The following SLC17A4 variants were observed in gnomAD, a reference collection of about 807,000 sequenced individuals.
SLC17A4 encodes the protein solute carrier family 17 member 4.
SLC17A4 carries 33 observed loss-of-function variants against 52.5 expected under a neutral mutation model. The ratio of observed to expected loss-of-function variants is 0.63; its 90% confidence interval spans 0.48 to 0.84. The LOEUF (loss-of-function observed/expected upper bound fraction) is 0.84. Ranked by LOEUF, SLC17A4 falls within the 40% of genes least tolerant of loss-of-function variation. The pLI is 0.00. For missense variants in SLC17A4, 585 were observed against 597.1 expected, an observed-to-expected ratio of 0.98 and a Z score of 0.21; for synonymous variants, 225 against 216.2, an observed-to-expected ratio of 1.04 and a Z score of -0.36.
At position 25,768,969 on chromosome 6, in the gene SLC17A4, G is replaced by T; in HGVS notation, c.92-16G>T. 1 of 1,612,290 alleles carries T rather than the reference G, an allele frequency of 6.2e-7. No individual in the cohort carries two copies. Among genetic ancestry groups the T allele is most frequent in the African/African-American group, 1.3e-5 (1 of 74,998 alleles). ...AAGCATTCTGATTGTGATTTTTCATGCCCTTTTCCTCTCAGGTTTTTGTTC... is the reference window on the plus strand; with the variant it reads ...AAGCATTCTGATTGTGATTTTTCATTCCCTTTTCCTCTCAGGTTTTTGTTC... On this transcript the variant is annotated splice_polypyrimidine_tract_variant and intron_variant, in intron 2 of 11. Transcript: ENST00000377905.
In SLC17A4 at chr6:25,776,904, A is replaced by G; in HGVS notation, c.1213A>G (p.Ile405Val). ...TMTFLVLSSA[I>V]SSFCESGALV... ...GACCTTCTTGGTGCTGTCTTCTGCC[A>G]TCAGCAGCTTCTGTGAATCAGGAGC... Residue 405 changes from isoleucine (I) to valine (V), a missense_variant, in exon 10 of 12, where the codon ATC becomes GTC. Physicochemically the swap from Ile to Val is conservative, Grantham distance 29. Coordinates refer to ENST00000377905, the MANE Select transcript of SLC17A4 (RefSeq NM_005495.3). 6.2e-7 allele frequency: 1 copy of G among 1,613,838 alleles called. No homozygotes were observed. The highest frequency in any genetic ancestry group is 8.5e-7 in the Non-Finnish European group (1 of 1,179,838).
Position 25,777,979 on chromosome 6 carries a change from C to A in SLC17A4, c.1322C>A (p.Ala441Asp), listed in dbSNP as rs758960195. 7 of 1,612,928 alleles carry A rather than the reference C, an allele frequency of 4.3e-6. No individual in the cohort carries two copies. Among genetic ancestry groups the A allele is most frequent in the Non-Finnish European group, 5.1e-6 (6 of 1,179,670 alleles). ...CAAGTCTTTGCACACATAGCTGGAGCCATCTCTCCTACTGCTGCTGGATTT... is the reference window on the plus strand; with the variant it reads ...CAAGTCTTTGCACACATAGCTGGAGACATCTCTCCTACTGCTGCTGGATTT... ...LLQVFAHIAGAISPTAAGFFI... is the reference protein window; with the variant it reads ...LLQVFAHIAGDISPTAAGFFI... Residue 441 changes from alanine to aspartate, a missense_variant, in exon 11 of 12, where the codon GCC (alanine) becomes GAC (aspartate). Transcript: ENST00000377905.
At position 25,776,600 on chromosome 6, in the gene SLC17A4, G is replaced by A. The variant is rs1192696173; in HGVS notation, c.993G>A (p.Gly331=). 1.2e-6 allele frequency: 2 copies of A among 1,603,308 alleles called. No homozygotes were observed. The highest frequency in any genetic ancestry group is 1.7e-4 in the Middle Eastern group (1 of 6,014). Reference sequence around the variant, plus strand: ...ACCTAGTCTCTGGTCCTCAGAGTGGGATCCTGTCTGCCTTGCCGTTTGTTG... The same window carrying A: ...ACCTAGTCTCTGGTCCTCAGAGTGGAATCCTGTCTGCCTTGCCGTTTGTTG... ...SVLQANLRDS[G]ILSALPFVVG... The change falls in exon 9 of 12, where the codon GGG becomes GGA. Residue 331 remains glycine, a synonymous_variant. Transcript: ENST00000377905.
At position 25,779,110 on chromosome 6, in the gene SLC17A4, G is replaced by A. The variant is rs774393197; in HGVS notation, c.1416G>A (p.Ser472=). The change falls in exon 12 of 12, where the codon TCG becomes TCA. Residue 472 remains serine, a synonymous_variant. Transcript: ENST00000377905. Reference sequence around the variant, plus strand: ...TGCTTTCAGCTGCTGTTAACATATCGGGCCTGGTTTTCTACCTCATCTTTG... The same window carrying A: ...TGCTTTCAGCTGCTGTTAACATATCAGGCCTGGTTTTCTACCTCATCTTTG... ...VFLLSAAVNI[S]GLVFYLIFGR... The A allele has an allele frequency of 1.7e-5, 27 of 1,613,672 alleles. No individual in the cohort carries two copies. In the East Asian group the frequency reaches 3.3e-4, roughly 20 times the overall value.
chr6:25,775,331 T>TA (rs34991353), intron 8 of SLC17A4, among the ~76,000 whole-genome samples: 129,034 of 147,616 alleles, frequency 0.87, 56,603 homozygotes, highest in South Asian at 0.98. Flanking sequence ...AAACTCTGTC[T>TA]AAAAAAAAAA....
chr6:25,778,975 A>T, intron 11 of SLC17A4, 79 bp from the exon 12 acceptor site: 1 of 1,571,666 alleles, frequency 6.4e-7, no homozygotes, highest in East Asian at 2.2e-5. Flanking sequence ...GAGCAGGAGG[A>T]CACAGAGCCA....
Position 25,773,277 on chromosome 6 carries a change from G to C in SLC17A4, c.709G>C (p.Gly237Arg), listed in dbSNP as rs201472019. 1 of 1,613,092 alleles carries C rather than the reference G, an allele frequency of 6.2e-7. No individual in the cohort carries two copies. The highest frequency in any genetic ancestry group is 2.2e-5 in the East Asian group (1 of 44,860). ...CTAACTGGATCCCCTTTTCCTAGGA[G>C]GAATTGGCTGTGCTTGTTGTCCTCT... The part of the protein sequence containing the change: ...GWPYVFYIFG[G>R]IGCACCPLWF... The change falls in exon 7 of 12, where the codon GGA becomes CGA. Residue 237 changes from glycine to arginine, a missense_variant and splice_region_variant. Coordinates refer to ENST00000377905, the MANE Select transcript of SLC17A4 (RefSeq NM_005495.3).
intron 2 of SLC17A4, among the ~76,000 whole-genome samples, chr6:25,767,460 T>C (rs1028694483): frequency 1.3e-5 from 2 of 152,132 alleles, no homozygotes; most frequent in Non-Finnish European, 2.9e-5. Context: ...TCAGGCAAAA[T>C]TTGGGGGCCA....
At chr6:25,766,817 T>A (rs1390098964) in intron 2 of SLC17A4, among the ~76,000 whole-genome samples, 1 of 152,154 alleles carries the variant, frequency 6.6e-6, no homozygotes, top group Non-Finnish European at 1.5e-5. Flanking sequence ...TAGAATACAT[T>A]TTAGAAACAA....
intron 8 of SLC17A4, 141 bp from the exon 9 acceptor site, chr6:25,776,454 C>T (rs1235919089): frequency 7.2e-6 from 7 of 975,950 alleles, no homozygotes; most frequent in East Asian, 4.9e-5. Context: ...TATATTGGCT[C>T]ATTATAGTAA....
chr6:25,770,869 A>C, intron 5 of SLC17A4, 57 bp from the exon 6 acceptor site: 1 of 1,344,070 alleles, frequency 7.4e-7, no homozygotes, highest in Non-Finnish European at 1.1e-6. Flanking sequence ...TGTAGAAAGC[A>C]CATAGAGCCC....
At chr6:25,765,436 A>G (rs1761930912) in intron 2 of SLC17A4, among the ~76,000 whole-genome samples, 2 of 152,272 alleles carry the variant, frequency 1.3e-5, no homozygotes, top group South Asian at 4.1e-4. Context: ...ACAAAGAGGT[A>G]GCAGCTGGAT....
intron 2 of SLC17A4, 40 bp downstream of exon 2, chr6:25,762,093 G>A: frequency 6.4e-7 from 1 of 1,554,850 alleles, no homozygotes. Flanking sequence ...AATAAAACTA[G>A]GATCTGTGGC....
At position 25,773,585 on chromosome 6, in the gene SLC17A4, T is replaced by G. The variant is rs1413954527; in HGVS notation, c.898T>G (p.Ser300Ala). The G allele has an allele frequency of 6.2e-7, 1 of 1,613,866 alleles. No homozygotes were observed. Among genetic ancestry groups the G allele is most frequent in the East Asian group, 2.2e-5 (1 of 44,884 alleles). ...CTTACCACTCTGGGCCATTTTAGTC[T>G]CTTATTTCTGTGAATACTGGCTTTT... Reference protein sequence around the residue: ...KSLPLWAILVSYFCEYWLFYT... With the variant: ...KSLPLWAILVAYFCEYWLFYT... The change falls in exon 8 of 12, where the codon TCT becomes GCT. Residue 300 changes from serine (S) to alanine (A), a missense_variant. Physicochemically the swap from Ser to Ala is moderately conservative, Grantham distance 99. Coordinates refer to ENST00000377905, the MANE Select transcript of SLC17A4 (RefSeq NM_005495.3).
chr6:25,773,927 T>A (rs1762689367), intron 8 of SLC17A4, among the ~76,000 whole-genome samples: 1 of 152,170 alleles, frequency 6.6e-6, no homozygotes, highest in Admixed American at 6.5e-5. Context: ...TTATACTATT[T>A]TCATATATAC....
chr6:25,775,000 A>T (rs1459538889), intron 8 of SLC17A4, among the ~76,000 whole-genome samples: 1 of 152,174 alleles, frequency 6.6e-6, no homozygotes, highest in African/African-American at 2.4e-5. Flanking sequence ...AGTTTAATTG[A>T]TAACAACAAG....
chr6:25,773,681 A>C lies in SLC17A4; in HGVS notation c.987+7A>C. The stretch of plus-strand genomic sequence containing the variant: ...TCAAGCCAACCTCAGAGATGTAAGT[A>C]CAGAGAAAGCTCATTCTGATCTTCT... On this transcript the variant is annotated splice_region_variant and intron_variant, in intron 8 of 11. Transcript: ENST00000377905. 6.2e-7 allele frequency: 1 copy of C among 1,611,888 alleles called. No homozygotes were observed. Among genetic ancestry groups the C allele is most frequent in the Non-Finnish European group, 8.5e-7 (1 of 1,178,886 alleles).
Position 25,779,321 on chromosome 6 carries a change from C to A in SLC17A4, c.*133C>A. The A allele has an allele frequency of 7.8e-7, 1 of 1,285,848 alleles. No individual in the cohort carries two copies. The allele number at this position is 1,285,848 out of a possible 1,614,324, so 79.7% of individuals were successfully genotyped here. A position where few individuals can be genotyped will look rare whatever the true frequency, so the allele number is the denominator to read the frequency against. On this transcript the variant is annotated 3_prime_UTR_variant, in exon 12 of 12. Coordinates refer to ENST00000377905, the MANE Select transcript of SLC17A4 (RefSeq NM_005495.3). ...GACTATGTAACGCTAAAGATTTTAC[C>A]ATGCCTGGAAATTTTACAGGGGAAG... is the stretch of plus-strand genomic sequence containing the variant.
chr6:25,776,091 G>T (rs1762889493), intron 8 of SLC17A4, among the ~76,000 whole-genome samples: 1 of 151,964 alleles, frequency 6.6e-6, no homozygotes, highest in Non-Finnish European at 1.5e-5. Flanking sequence ...GCCCTCAATA[G>T]AGCACCAGTA....
Sources: allele counts gnomAD v4.1 joint callset (sites outside exome capture counted in the v4.1 genomes callset), GRCh38; gene constraint gnomAD v4.1.1; transcripts MANE v1.5; gene names NCBI Gene and HGNC (gene_info 2026-07-23, HGNC 2026-07-21).